The following SMURF2 variants were observed in gnomAD, a reference collection of about 807,000 sequenced individuals.
SMURF2 encodes SMAD specific E3 ubiquitin protein ligase 2.
A neutral mutation model predicts 109.6 loss-of-function variants in SMURF2; 48 were observed. The observed-to-expected ratio is 0.44, with a 90% confidence interval of 0.35 to 0.56. The LOEUF is 0.56. SMURF2 is among the 20% of genes least tolerant of loss of function. The pLI, the probability that SMURF2 is intolerant of heterozygous loss-of-function variation, is 0.01. For missense variants in SMURF2, 575 were observed against 909.0 expected (o/e 0.63, Z 4.72); for synonymous variants, 288 against 317.1 (o/e 0.91, Z 0.97).
intron 2 of SMURF2, among the ~76,000 whole-genome samples, chr17:64,602,917 T>C (rs1969917604): frequency 1.3e-5 from 2 of 151,974 alleles, no homozygotes; most frequent in African/African-American, 4.8e-5. Flanking sequence ...AGAGACAGAC[T>C]TTGTCTCAAG....
Position 64,586,076 on chromosome 17 carries a change from G to A in SMURF2, c.485+10C>T. The stretch of plus-strand genomic sequence containing the variant: ...ATATTTCTCTAATGATTTCAGTGAT[G>A]TTAGCTTACCCGTCTGGTAAATCGT... On this transcript the variant is annotated intron_variant, in intron 6 of 18. Coordinates refer to ENST00000262435, the MANE Select transcript of SMURF2 (RefSeq NM_022739.4). The A allele has an allele frequency of 6.7e-7, 1 of 1,495,878 alleles. No homozygotes were observed. Among genetic ancestry groups the A allele is most frequent in the Non-Finnish European group, 9.1e-7 (1 of 1,095,198 alleles). 92.7% of individuals were successfully genotyped at this position (1,495,878 alleles called of 1,614,324 possible).
intron 1 of SMURF2, among the ~76,000 whole-genome samples, chr17:64,621,944 C>T: frequency 7.4e-6 from 1 of 134,772 alleles, no homozygotes; most frequent in East Asian, 2.0e-4. Flanking sequence ...TGTAGTGAGC[C>T]ATCATCGCAA....
intron 16 of SMURF2, among the ~76,000 whole-genome samples, chr17:64,548,122 T>C (rs1968985306): frequency 6.6e-6 from 1 of 152,142 alleles, no homozygotes; most frequent in Non-Finnish European, 1.5e-5. Context: ...TGAGAATGTT[T>C]CATAAGTTCA....
chr17:64,567,545 A>C (rs1218452182), intron 10 of SMURF2, among the ~76,000 whole-genome samples: 1 of 152,226 alleles, frequency 6.6e-6, no homozygotes, highest in Non-Finnish European at 1.5e-5. Context: ...TACTGGCAAC[A>C]TCAAGGCAAA....
In SMURF2 at chr17:64,561,581, T is replaced by G; in HGVS notation, c.1235A>C (p.Lys412Thr). The change falls in exon 12 of 19, where the codon AAA becomes ACA. Residue 412 changes from lysine to threonine, a missense_variant. Transcript: ENST00000262435. The part of the protein sequence containing the change: ...IFEESYRQVM[K>T]MRPKDLWKRL... ...CTTCCAGAGATCTTTTGGTCTCATT[T>G]TCATGACCTGTCGATATGATTCCTG... 6.2e-7 allele frequency: 1 copy of G among 1,613,210 alleles called. No individual in the cohort carries two copies. The highest frequency in any genetic ancestry group is 8.5e-7 in the Non-Finnish European group (1 of 1,179,902).
chr17:64,660,657 T>G (rs1052891361), intron 1 of SMURF2: 3 of 152,144 alleles, frequency 2.0e-5, no homozygotes, highest in Non-Finnish European at 2.9e-5. Flanking sequence ...AATCTCAAAG[T>G]CTAGTGTGGG....
At chr17:64,648,015 CCA>C (rs1970581746) in intron 1 of SMURF2, among the ~76,000 whole-genome samples, 1 of 126,158 alleles carries the variant, frequency 7.9e-6, no homozygotes, top group South Asian at 2.7e-4. Context: ...TACGATCATG[CCA>C]CTGCACTCCA....
At chr17:64,558,029 G>C (rs2144598302) in intron 12 of SMURF2, among the ~76,000 whole-genome samples, 1 of 152,298 alleles carries the variant, frequency 6.6e-6, no homozygotes, top group South Asian at 2.1e-4. Flanking sequence ...CCAGTGGTCT[G>C]TTACTTTTAA....
rs1555686753 is a variant in SMURF2, at chr17:64,583,449, G to A, written c.569+12C>T. 2 of 1,598,836 alleles carry A rather than the reference G, an allele frequency of 1.3e-6. No homozygotes were observed. Among genetic ancestry groups the A allele is most frequent in the African/African-American group, 1.3e-5 (1 of 74,590 alleles). On this transcript the variant is annotated intron_variant, in intron 7 of 18. Coordinates refer to ENST00000262435, the MANE Select transcript of SMURF2 (RefSeq NM_022739.4). ...TGGCATAGATCATGAGAAAATATTTGTATGTTCTTACCGTGTTGGGCGCTC... is the reference window on the plus strand; with the variant it reads ...TGGCATAGATCATGAGAAAATATTTATATGTTCTTACCGTGTTGGGCGCTC...
intron 8 of SMURF2, among the ~76,000 whole-genome samples, chr17:64,579,011 G>A (rs1969539400): frequency 6.6e-6 from 1 of 152,124 alleles, no homozygotes. Context: ...CAAAACTTAT[G>A]TTTTCTCTTT....
chr17:64,644,632 C>T (rs1437114424), intron 1 of SMURF2, among the ~76,000 whole-genome samples: 1 of 151,284 alleles, frequency 6.6e-6, no homozygotes, highest in East Asian at 1.9e-4. Flanking sequence ...TGCTGAGTAG[C>T]CAGGCATGGT....
chr17:64,620,102 A>G (rs543388515), intron 1 of SMURF2, among the ~76,000 whole-genome samples: 1 of 152,276 alleles, frequency 6.6e-6, no homozygotes, highest in East Asian at 1.9e-4. Flanking sequence ...AGTCATCCAG[A>G]AAGCAATGTC....
At chr17:64,555,050 AG>A (rs1388116197) in intron 14 of SMURF2, 57 bp from the exon 15 acceptor site, 1 of 1,459,004 alleles carries the variant, frequency 6.9e-7, no homozygotes, top group Non-Finnish European at 9.4e-7. Flanking sequence ...CAGACCCTAT[AG>A]ATGTATTAAT....
intron 12 of SMURF2, among the ~76,000 whole-genome samples, chr17:64,560,077 T>C (rs1487465740): frequency 2.0e-5 from 3 of 151,270 alleles, no homozygotes; most frequent in Admixed American, 1.3e-4. Flanking sequence ...TAATTAGGCA[T>C]GGAAGCATGT....
intron 10 of SMURF2, among the ~76,000 whole-genome samples, chr17:64,565,014 C>A (rs1223714322): frequency 2.0e-5 from 3 of 152,064 alleles, no homozygotes; most frequent in Non-Finnish European, 4.4e-5. Context: ...TGGTGTATAT[C>A]AAAACTTAAA....
At chr17:64,584,961 A>G (rs193217699) in intron 6 of SMURF2, among the ~76,000 whole-genome samples, 1 of 152,316 alleles carries the variant, frequency 6.6e-6, no homozygotes, top group African/African-American at 2.4e-5. Context: ...CATATCTATA[A>G]AAGAGCTAAC....
intron 1 of SMURF2, among the ~76,000 whole-genome samples, chr17:64,622,719 G>C (rs1342633556): frequency 6.6e-6 from 1 of 152,118 alleles, no homozygotes; most frequent in African/African-American, 2.4e-5. Flanking sequence ...CCTTGACCTA[G>C]CTAAAGTAGT....
Position 64,621,878 on chromosome 17 carries a change from AAAATAAAT to A in SMURF2, c.53-15246_53-15239del, listed in dbSNP as rs782177558. Among the ~76,000 whole-genome samples, 265 of 144,768 alleles carry A rather than the reference AAAATAAAT, an allele frequency of 1.8e-3. 1 individual carries two copies. Among genetic ancestry groups the A allele is most frequent in the Non-Finnish European group, 3.2e-3 (215 of 66,762 alleles). 95.0% of individuals were successfully genotyped at this position (144,768 alleles called of 152,430 possible). A position where few individuals can be genotyped will look rare whatever the true frequency, so the allele number is the denominator to read the frequency against. Reference sequence around the variant, plus strand: ...GGGTTACAGAGTAAGACTCTCTCTCAAAATAAATAAATAAATAAATAAATAAATAATAA... The same window carrying A: ...GGGTTACAGAGTAAGACTCTCTCTCAAAATAAATAAATAAATAAATAATAA... On this transcript the variant is annotated intron_variant, in intron 1 of 18. Coordinates refer to ENST00000262435, the MANE Select transcript of SMURF2 (RefSeq NM_022739.4).
intron 10 of SMURF2, among the ~76,000 whole-genome samples, chr17:64,563,419 T>C (rs1969254279): frequency 6.6e-6 from 1 of 152,184 alleles, no homozygotes; most frequent in Non-Finnish European, 1.5e-5. Context: ...CATATGACCA[T>C]ACAAAGAAAA....
Sources: gnomAD v4.1 joint callset for allele counts (sites outside exome capture counted in the v4.1 genomes callset) on GRCh38, gnomAD v4.1.1 for gene constraint, MANE v1.5 for transcripts, NCBI Gene and HGNC (gene_info 2026-07-23, HGNC 2026-07-21) for gene names.